IL1RAPL1: variants seen among roughly 807,000 people sequenced by gnomAD.
IL1RAPL1 encodes the protein interleukin 1 receptor accessory protein like 1, also known as interleukin-1 receptor accessory protein-like 1.
In IL1RAPL1, 3 loss-of-function variants were observed where a neutral mutation model predicts 48.4. The ratio of observed to expected loss-of-function variants is 0.06; its 90% CI spans 0.03 to 0.16. The LOEUF (loss-of-function observed/expected upper bound fraction) is 0.16. Ranked by LOEUF, IL1RAPL1 falls within the 10% of genes least tolerant of loss-of-function variation. The pLI, the probability that IL1RAPL1 is intolerant of heterozygous loss-of-function variation, is 1.00. For synonymous variants in IL1RAPL1, 185 were observed against 187.7 expected (o/e 0.99, Z 0.12); for missense variants, 349 against 530.6 (o/e 0.66, Z 3.36).
At chrX:29,913,854 G>A (rs191821681) in intron 6 of IL1RAPL1, among the ~76,000 whole-genome samples, 1 of 111,063 alleles carries the variant, frequency 9.0e-6, no homozygotes, top group Non-Finnish European at 1.9e-5. Flanking sequence ...CTGCTCTTGC[G>A]TCATCAGGGT....
chrX:28,825,456 A>T, intron 2 of IL1RAPL1, among the ~76,000 whole-genome samples: 1 of 111,280 alleles, frequency 9.0e-6, no homozygotes, highest in Non-Finnish European at 1.9e-5. Flanking sequence ...CTAATGCTTG[A>T]ATATCTATGC....
chrX:29,711,066 G>A (rs867847113), intron 6 of IL1RAPL1, among the ~76,000 whole-genome samples: 298 of 12,586 alleles, frequency 0.024, 1 homozygote, highest in East Asian at 0.14. Context: ...GTGTGTGTGT[G>A]TATACACACA....
At chrX:29,092,132 G>T (rs2147456881) in intron 2 of IL1RAPL1, among the ~76,000 whole-genome samples, 1 of 110,952 alleles carries the variant, frequency 9.0e-6, no homozygotes, top group South Asian at 3.9e-4. Context: ...ATTCATGGGG[G>T]TTCTAGGTGG....
At chrX:29,585,918 C>T (rs1439790668) in intron 5 of IL1RAPL1, among the ~76,000 whole-genome samples, 6 of 111,697 alleles carry the variant, frequency 5.4e-5, no homozygotes, top group Non-Finnish European at 9.4e-5. Flanking sequence ...TGTAGGAGTT[C>T]CTTATGTATT....
intron 2 of IL1RAPL1, among the ~76,000 whole-genome samples, chrX:28,867,125 G>A (rs1922096891): frequency 9.0e-6 from 1 of 111,394 alleles, no homozygotes; most frequent in African/African-American, 3.3e-5. Flanking sequence ...ATCTGCCAGT[G>A]CCAAGGTCTC....
At chrX:29,922,876 T>C (rs1481932049) in intron 8 of IL1RAPL1, among the ~76,000 whole-genome samples, 4 of 112,146 alleles carry the variant, frequency 3.6e-5, no homozygotes, top group Admixed American at 2.8e-4. Context: ...CCTTAACTTA[T>C]AAGCCTTCAC....
intron 2 of IL1RAPL1, among the ~76,000 whole-genome samples, chrX:28,989,242 T>C (rs1378692028): frequency 6.2e-5 from 7 of 112,451 alleles, no homozygotes; most frequent in Admixed American, 9.4e-5. Context: ...TTTTGTGAAC[T>C]GTGTCTATGG....
At chrX:29,811,562 C>T (rs922458171) in intron 6 of IL1RAPL1, among the ~76,000 whole-genome samples, 1 of 110,084 alleles carries the variant, frequency 9.1e-6, no homozygotes, top group Non-Finnish European at 1.9e-5. Flanking sequence ...CCTTTGACAA[C>T]ACCCTCACAG....
At chrX:29,679,464 C>A (rs1425181632) in intron 6 of IL1RAPL1, among the ~76,000 whole-genome samples, 1 of 111,356 alleles carries the variant, frequency 9.0e-6, no homozygotes, top group Non-Finnish European at 1.9e-5. Context: ...TAGTTTTATG[C>A]ACTCTGCTTA....
At chrX:28,629,399 T>C (rs914238561) in intron 1 of IL1RAPL1, among the ~76,000 whole-genome samples, 1 of 111,813 alleles carries the variant, frequency 8.9e-6, no homozygotes, top group Admixed American at 9.5e-5. Context: ...AAGTGGACGA[T>C]TGGGTGGTCA....
At chrX:28,654,043 A>T (rs1461157640) in intron 1 of IL1RAPL1, among the ~76,000 whole-genome samples, 2 of 111,390 alleles carry the variant, frequency 1.8e-5, no homozygotes, top group Non-Finnish European at 3.8e-5. Context: ...GTTGAGGGTC[A>T]CAGAGGTTGA....
At chrX:29,745,800 A>G (rs1026583309) in intron 6 of IL1RAPL1, among the ~76,000 whole-genome samples, 1 of 110,716 alleles carries the variant, frequency 9.0e-6, no homozygotes, top group Non-Finnish European at 1.9e-5. Flanking sequence ...CTACAGTCCT[A>G]TATGTAAAAG....
At chrX:29,178,433 A>T (rs186199966) in intron 2 of IL1RAPL1, among the ~76,000 whole-genome samples, 138 of 111,614 alleles carry the variant, frequency 1.2e-3, no homozygotes, top group Admixed American at 4.5e-3. Context: ...CCACTTTTGG[A>T]TGGGGTTGTT....
At chrX:28,805,669 C>G (rs927197178) in intron 2 of IL1RAPL1, among the ~76,000 whole-genome samples, 1 of 111,214 alleles carries the variant, frequency 9.0e-6, no homozygotes, top group Non-Finnish European at 1.9e-5. Flanking sequence ...AATATACACA[C>G]AGTTAACTAT....
chrX:29,561,203 A>G, intron 5 of IL1RAPL1, among the ~76,000 whole-genome samples: 1 of 112,337 alleles, frequency 8.9e-6, no homozygotes, highest in Non-Finnish European at 1.9e-5. Flanking sequence ...ATTGCCCTGA[A>G]GTACTCAAAG....
chrX:29,428,273 A>G (rs1195396257), intron 5 of IL1RAPL1, among the ~76,000 whole-genome samples: 1 of 112,178 alleles, frequency 8.9e-6, no homozygotes, highest in Non-Finnish European at 1.9e-5. Flanking sequence ...TCTAGTAAGT[A>G]TGTGGTTTAC....
chrX:28,927,228 A>G (rs1261706301), intron 2 of IL1RAPL1, among the ~76,000 whole-genome samples: 1 of 111,314 alleles, frequency 9.0e-6, no homozygotes, highest in Admixed American at 9.6e-5. Flanking sequence ...TTTCAGTTTT[A>G]CTGGAATTGA....
intron 5 of IL1RAPL1, among the ~76,000 whole-genome samples, chrX:29,580,884 CTATT>C (rs1411875746): frequency 1.8e-5 from 2 of 112,148 alleles, no homozygotes; most frequent in African/African-American, 6.5e-5. Context: ...ATTTTCTACT[CTATT>C]TGTGAATGTG....
chrX:29,810,822 T>C (rs1037699992), intron 6 of IL1RAPL1, among the ~76,000 whole-genome samples: 10 of 112,092 alleles, frequency 8.9e-5, no homozygotes, highest in African/African-American at 3.2e-4. Flanking sequence ...TATTTTTCTT[T>C]CTAAGACTTA....
Sources: allele counts gnomAD v4.1 joint callset (sites outside exome capture counted in the v4.1 genomes callset), GRCh38; gene constraint gnomAD v4.1.1; transcripts MANE v1.5; gene names NCBI Gene and HGNC (gene_info 2026-07-23, HGNC 2026-07-21).